ATE1: variants seen among roughly 807,000 people sequenced by gnomAD.
The protein encoded by ATE1 is arginyl-tRNA--protein transferase 1.
A neutral mutation model predicts 70.5 loss-of-function variants in ATE1; 36 were observed. That is an observed-to-expected ratio of 0.51 (90% CI 0.39 to 0.67). The LOEUF is 0.67. Among genes scored for constraint, ATE1 ranks in the 30% least tolerant of loss-of-function variants. ATE1 has a pLI of 0.00. For missense variants in ATE1, 593 were observed against 629.5 expected, an observed-to-expected ratio of 0.94 and a Z score of 0.62; for synonymous variants, 232 against 219.3, an observed-to-expected ratio of 1.06 and a Z score of -0.51.
rs373230063 is a variant in ATE1, at chr10:121,919,021, A to G, written c.233+3328T>C. ...AATGGACCAATCAGCACTCTATAAA[A>G]TGGACCAATCAGCACTCTGTAAAAT... On this transcript the variant is annotated intron_variant, in intron 3 of 11. Transcript: ENST00000224652. Among the ~76,000 whole-genome samples the G allele has an allele frequency of 7.6e-5, 11 of 144,994 alleles. No individual in the cohort carries two copies. The South Asian group carries it at 1.5e-3, about 20-fold the overall frequency.
At chr10:121,905,293 A>G (rs1256381784) in intron 5 of ATE1, among the ~76,000 whole-genome samples, 1 of 152,244 alleles carries the variant, frequency 6.6e-6, no homozygotes, top group Non-Finnish European at 1.5e-5. Flanking sequence ...ATAATGTTTT[A>G]CCTATATAAA....
At chr10:121,883,533 C>T (rs746413847) in intron 7 of ATE1, among the ~76,000 whole-genome samples, 23 of 152,094 alleles carry the variant, frequency 1.5e-4, no homozygotes, top group Non-Finnish European at 3.1e-4. Context: ...TGAAATACGA[C>T]AAGAGCAGAA....
At chr10:121,922,442 T>G in intron 2 of ATE1, 31 bp from the exon 3 acceptor site, 2 of 1,414,848 alleles carry the variant, frequency 1.4e-6, no homozygotes, top group East Asian at 2.4e-5. Context: ...TGTTAATGTC[T>G]TATATATTTT....
intron 5 of ATE1, among the ~76,000 whole-genome samples, chr10:121,904,539 G>A (rs1015133843): frequency 6.6e-6 from 1 of 150,876 alleles, no homozygotes; most frequent in South Asian, 2.1e-4. Flanking sequence ...TACTTGGGAG[G>A]CTGAGGCAGG....
At chr10:121,809,006 T>C (rs932931998) in intron 10 of ATE1, among the ~76,000 whole-genome samples, 4 of 152,192 alleles carry the variant, frequency 2.6e-5, no homozygotes, top group African/African-American at 9.7e-5. Flanking sequence ...AAAGTACTGA[T>C]TCACTGAGTT....
intron 10 of ATE1, among the ~76,000 whole-genome samples, chr10:121,805,174 A>G (rs564792451): frequency 1.3e-5 from 2 of 152,224 alleles, no homozygotes; most frequent in Non-Finnish European, 2.9e-5. Context: ...TTTAGCAAAA[A>G]TATCTAGCTG....
intron 4 of ATE1, among the ~76,000 whole-genome samples, chr10:121,911,482 A>C (rs906116767): frequency 1.3e-5 from 2 of 151,456 alleles, no homozygotes; most frequent in Admixed American, 6.6e-5. Context: ...GCGCCCTAGC[A>C]GGGCAATGTA....
chr10:121,764,483 CAAA>C (rs56333855), intron 11 of ATE1, among the ~76,000 whole-genome samples: 88,537 of 124,154 alleles, frequency 0.71, 29,989 homozygotes, highest in Non-Finnish European at 0.75. Flanking sequence ...CCGGTTCCTG[CAAA>C]AAAAAAAAAA....
At chr10:121,895,378 G>A (rs981375210) in intron 7 of ATE1, among the ~76,000 whole-genome samples, 2 of 152,214 alleles carry the variant, frequency 1.3e-5, no homozygotes, top group Non-Finnish European at 2.9e-5. Flanking sequence ...GGGAGGCCGA[G>A]GCGGGTGGAT....
intron 5 of ATE1, among the ~76,000 whole-genome samples, 159 bp from the exon 6 acceptor site, chr10:121,902,779 G>A (rs1951033311): frequency 6.6e-6 from 1 of 152,160 alleles, no homozygotes; most frequent in Non-Finnish European, 1.5e-5. Flanking sequence ...GCTGTAAGTG[G>A]ATCTAAAATT....
intron 10 of ATE1, among the ~76,000 whole-genome samples, chr10:121,797,068 T>C (rs1258650446): frequency 6.6e-6 from 1 of 152,222 alleles, no homozygotes; most frequent in Non-Finnish European, 1.5e-5. Flanking sequence ...TGGATAACAA[T>C]GAACACAAGT....
intron 3 of ATE1, among the ~76,000 whole-genome samples, chr10:121,918,481 T>C (rs1951748507): frequency 2.6e-5 from 4 of 152,244 alleles, no homozygotes; most frequent in South Asian, 2.1e-4. Flanking sequence ...ATGCTTAGAA[T>C]AGTGCTTTCC....
At chr10:121,757,508 A>G (rs999282296) in intron 11 of ATE1, among the ~76,000 whole-genome samples, 2 of 152,174 alleles carry the variant, frequency 1.3e-5, no homozygotes, top group African/African-American at 4.8e-5. Flanking sequence ...GAGACTGGGC[A>G]ATTTACAAAA....
intron 10 of ATE1, among the ~76,000 whole-genome samples, chr10:121,830,466 C>A (rs998182534): frequency 5.3e-5 from 8 of 152,140 alleles, no homozygotes; most frequent in Admixed American, 5.2e-4. Context: ...AGAAGCTGGG[C>A]AGATGCAAGT....
intron 6 of ATE1, 76 bp downstream of exon 6, chr10:121,902,315 T>C: frequency 1.5e-6 from 2 of 1,326,880 alleles, no homozygotes; most frequent in South Asian, 1.4e-5. Flanking sequence ...TAATTAGAAC[T>C]TCAAATAAAA....
intron 11 of ATE1, among the ~76,000 whole-genome samples, chr10:121,752,000 T>C (rs934178400): frequency 4.6e-5 from 7 of 151,652 alleles, no homozygotes; most frequent in African/African-American, 1.7e-4. Flanking sequence ...GAGACCATCC[T>C]GGCTAACAGG....
chr10:121,840,232 C>T (rs996441997), intron 9 of ATE1, among the ~76,000 whole-genome samples: 3 of 152,172 alleles, frequency 2.0e-5, no homozygotes, highest in Non-Finnish European at 2.9e-5. Context: ...TTCAACCAGT[C>T]GGCCAGGAAT....
At chr10:121,883,692 G>GT (rs1433466416) in intron 7 of ATE1, among the ~76,000 whole-genome samples, 2 of 152,098 alleles carry the variant, frequency 1.3e-5, no homozygotes, top group African/African-American at 2.4e-5. Context: ...AATAAAAAAC[G>GT]TTTCCAATGC....
At chr10:121,763,494 A>G (rs941063155) in intron 11 of ATE1, among the ~76,000 whole-genome samples, 31 of 152,196 alleles carry the variant, frequency 2.0e-4, no homozygotes, top group Non-Finnish European at 2.9e-5. Flanking sequence ...AAGAAAGCCA[A>G]TCTGAAGAGG....
Sources: allele counts gnomAD v4.1 joint callset (sites outside exome capture counted in the v4.1 genomes callset), GRCh38; gene constraint gnomAD v4.1.1; transcripts MANE v1.5; gene names NCBI Gene and HGNC (gene_info 2026-07-23, HGNC 2026-07-21).